The following KCNQ1OT1 variants were observed in gnomAD, a reference collection of about 807,000 sequenced individuals.
KCNQ1OT1 encodes KCNQ1 opposite strand/antisense transcript 1.
In KCNQ1OT1 at chr11:2,663,590, C is replaced by T; in HGVS notation, n.36405G>A. On this transcript the variant is annotated non_coding_transcript_exon_variant, in exon 1 of 1. Coordinates refer to ENST00000597346, the Ensembl canonical transcript of KCNQ1OT1. The surrounding 1 kb of genome is among the most constrained non-coding windows in gnomAD (Gnocchi z 5.2). ...CTTGCTTCTCCTGTTGGAGCTCTCG[C>T]TCACCTTGGTTCTCTTGGTCACGGA... 2 of 398,702 alleles carry T rather than the reference C, an allele frequency of 5.0e-6. No individual in the cohort carries two copies. The highest frequency in any genetic ancestry group is 8.8e-5 in the Admixed American group (2 of 22,740). The allele number at this position is 398,702 out of a possible 1,614,324, so 24.7% of individuals were successfully genotyped here. A position where few individuals can be genotyped will look rare whatever the true frequency, so the allele number is the denominator to read the frequency against.
chr11:2,675,587 A>C (rs897312805), exon 1 of KCNQ1OT1: 7 of 398,504 alleles, frequency 1.8e-5, no homozygotes, highest in Middle Eastern at 1.2e-3. Flanking sequence ...ACTTCCTAGG[A>C]GATCCCAATT....
Position 2,683,995 on chromosome 11 carries a change from G to A in KCNQ1OT1, n.16000C>T. The A allele has an allele frequency of 2.5e-6, 1 of 397,862 alleles. No homozygotes were observed. The highest frequency in any genetic ancestry group is 4.4e-6 in the Non-Finnish European group (1 of 225,974). 24.6% of individuals were successfully genotyped at this position (397,862 alleles called of 1,614,324 possible). On this transcript the variant is annotated non_coding_transcript_exon_variant, in exon 1 of 1. Transcript: ENST00000597346. This position sits in a 1 kb window ranked among gnomAD's most constrained non-coding sequence, Gnocchi z 4.7. Reference sequence around the variant, plus strand: ...TTTTTCATTTAGAAGAATTTCCTTGGCAACTCCGTCTCTCCTTAGTCAACA... The same window carrying A: ...TTTTTCATTTAGAAGAATTTCCTTGACAACTCCGTCTCTCCTTAGTCAACA...
At position 2,652,796 on chromosome 11, in the gene KCNQ1OT1, C is replaced by T. The variant is rs185878088; in HGVS notation, n.47199G>A. On this transcript the variant is annotated non_coding_transcript_exon_variant, in exon 1 of 1. Coordinates refer to ENST00000597346, the Ensembl canonical transcript of KCNQ1OT1. This position sits in a 1 kb window ranked among gnomAD's most constrained non-coding sequence, Gnocchi z 5.9. ...CAGCGCCCCCGCTACTCAGACCCCA[C>T]CCTTGGGCCTGCAGAGACATTTCCG... The T allele has an allele frequency of 2.0e-5, 8 of 398,968 alleles. No individual in the cohort carries two copies. The highest frequency in any genetic ancestry group is 3.5e-5 in the Non-Finnish European group (8 of 226,466). The allele number at this position is 398,968 out of a possible 1,614,324, so 24.7% of individuals were successfully genotyped here. A position where few individuals can be genotyped will look rare whatever the true frequency, so the allele number is the denominator to read the frequency against.
exon 1 of KCNQ1OT1, chr11:2,666,871 A>G (rs778110749): frequency 1.8e-4 from 70 of 398,670 alleles, no homozygotes; most frequent in South Asian, 8.9e-4. Context: ...GCTTGTCAAG[A>G]ACAGATGAGA....
Position 2,620,604 on chromosome 11 carries a change from A to G in KCNQ1OT1, n.79391T>C, listed in dbSNP as rs1014498738. ...CCAATCCACCACTGATGGGCATCTA[A>G]GTGGATTCCATGTCTTTGCTGTTGT... On this transcript the variant is annotated non_coding_transcript_exon_variant, in exon 1 of 1. Coordinates refer to ENST00000597346, the Ensembl canonical transcript of KCNQ1OT1. This position sits in a 1 kb window ranked among gnomAD's most constrained non-coding sequence, Gnocchi z 4.5. 1 of 397,604 alleles carries G rather than the reference A, an allele frequency of 2.5e-6. No homozygotes were observed. The highest frequency in any genetic ancestry group is 4.4e-6 in the Non-Finnish European group (1 of 225,916). The allele number at this position is 397,604 out of a possible 1,614,324, so 24.6% of individuals were successfully genotyped here.
chr11:2,648,020 C>T, exon 1 of KCNQ1OT1: 1 of 396,686 alleles, frequency 2.5e-6, no homozygotes. Context: ...TTGAGACCAG[C>T]CTGAGCAACA....
At chr11:2,614,135 T>A (rs1038690008) in exon 1 of KCNQ1OT1, 1 of 398,422 alleles carries the variant, frequency 2.5e-6, no homozygotes, top group African/African-American at 2.1e-5. Context: ...CTACCATGTC[T>A]CTGAGATACA....
rs1850167602 is a variant in KCNQ1OT1, at chr11:2,670,687, A to G, written n.29308T>C. Reference sequence around the variant, plus strand: ...GTAGGAAGGCAGTGTAGCAGTAACAAGACAAAGGGATTCTGTGGCCCATGG... The same window carrying G: ...GTAGGAAGGCAGTGTAGCAGTAACAGGACAAAGGGATTCTGTGGCCCATGG... On this transcript the variant is annotated non_coding_transcript_exon_variant, in exon 1 of 1. Transcript: ENST00000597346. This position sits in a 1 kb window ranked among gnomAD's most constrained non-coding sequence, Gnocchi z 4.9. 5.0e-6 allele frequency: 2 copies of G among 398,648 alleles called. No individual in the cohort carries two copies. Among genetic ancestry groups the G allele is most frequent in the East Asian group, 7.1e-5 (2 of 28,086 alleles). 24.7% of individuals were successfully genotyped at this position (398,648 alleles called of 1,614,324 possible).
rs1405020890 is a variant in KCNQ1OT1 at position 2,623,703 on chromosome 11, A to G, written n.76292T>C. On this transcript the variant is annotated non_coding_transcript_exon_variant, in exon 1 of 1. Transcript: ENST00000597346. The surrounding 1 kb of genome is among the most constrained non-coding windows in gnomAD (Gnocchi z 5.2). The stretch of plus-strand genomic sequence containing the variant: ...GACATCTCGGTTGCTTCCAATTTCA[A>G]CAATCACAAATAAAGCTTCTGTAAA... 7.5e-6 allele frequency: 3 copies of G among 398,432 alleles called. No individual in the cohort carries two copies. The highest frequency in any genetic ancestry group is 4.4e-5 in the Admixed American group (1 of 22,710). The allele number at this position is 398,432 out of a possible 1,614,324, so 24.7% of individuals were successfully genotyped here. A position where few individuals can be genotyped will look rare whatever the true frequency, so the allele number is the denominator to read the frequency against.
At chr11:2,622,590 T>C in exon 1 of KCNQ1OT1, 1 of 398,552 alleles carries the variant, frequency 2.5e-6, no homozygotes, top group Non-Finnish European at 4.4e-6. Flanking sequence ...TGCCTTTTCT[T>C]TTGCCTTACA....
exon 1 of KCNQ1OT1, chr11:2,680,231 GTCTA>G (rs1850370749): frequency 1.0e-5 from 4 of 389,306 alleles, no homozygotes; most frequent in South Asian, 1.3e-4. Context: ...AAAAAAAGTT[GTCTA>G]TCTGTGTGTA....
At position 2,617,473 on chromosome 11, in the gene KCNQ1OT1, A is replaced by T; in HGVS notation, n.82522T>A. 2.5e-6 allele frequency: 1 copy of T among 398,472 alleles called. No homozygotes were observed. The highest frequency in any genetic ancestry group is 4.4e-6 in the Non-Finnish European group (1 of 225,964). The allele number at this position is 398,472 out of a possible 1,614,324, so 24.7% of individuals were successfully genotyped here. ...CCACAGTTTAGTCATCCATCAATGG[A>T]CACGTAAGTTTTCATATCGTGACTC... On this transcript the variant is annotated non_coding_transcript_exon_variant, in exon 1 of 1. Transcript: ENST00000597346. The surrounding 1 kb of genome is among the most constrained non-coding windows in gnomAD (Gnocchi z 4.6).
chr11:2,618,729 G>C (rs895884385), exon 1 of KCNQ1OT1: 10 of 398,334 alleles, frequency 2.5e-5, no homozygotes, highest in Middle Eastern at 6.2e-4. Context: ...AATTTTCCAT[G>C]GGATTTTGAT....
Position 2,683,574 on chromosome 11 carries a change from A to T in KCNQ1OT1, n.16421T>A. 5.0e-6 allele frequency: 2 copies of T among 398,678 alleles called. No homozygotes were observed. Among genetic ancestry groups the T allele is most frequent in the Non-Finnish European group, 8.8e-6 (2 of 226,074 alleles). The allele number at this position is 398,678 out of a possible 1,614,324, so 24.7% of individuals were successfully genotyped here. On this transcript the variant is annotated non_coding_transcript_exon_variant, in exon 1 of 1. Coordinates refer to ENST00000597346, the Ensembl canonical transcript of KCNQ1OT1. This position sits in a 1 kb window ranked among gnomAD's most constrained non-coding sequence, Gnocchi z 4.7. ...GCCCCTACCTACTGACTGGCATCAC[A>T]AACACTGCCCTGAAATGCCAACTCA... is the stretch of plus-strand genomic sequence containing the variant.
At chr11:2,609,347 T>C (rs1848937489) in exon 1 of KCNQ1OT1, 7 of 398,338 alleles carry the variant, frequency 1.8e-5, no homozygotes, top group Non-Finnish European at 3.1e-5. Context: ...TCTTTGCTAC[T>C]GAGTTCTACT....
chr11:2,651,218 A>G lies in KCNQ1OT1; in HGVS notation n.48777T>C. The G allele has an allele frequency of 2.5e-6, 1 of 398,694 alleles. No homozygotes were observed. Among genetic ancestry groups the G allele is most frequent in the Non-Finnish European group, 4.4e-6 (1 of 226,102 alleles). 24.7% of individuals were successfully genotyped at this position (398,694 alleles called of 1,614,324 possible). A position where few individuals can be genotyped will look rare whatever the true frequency, so the allele number is the denominator to read the frequency against. On this transcript the variant is annotated non_coding_transcript_exon_variant, in exon 1 of 1. Coordinates refer to ENST00000597346, the Ensembl canonical transcript of KCNQ1OT1. This position sits in a 1 kb window ranked among gnomAD's most constrained non-coding sequence, Gnocchi z 6.1. ...GCTTCCTGTCACCCTGTCTTGTGTC[A>G]GTCTCACAGCACACACAGCTTAATT...
chr11:2,699,445 A>AGGAGCCGCCGGGAGAGTGCCGCG (rs1850736023), exon 1 of KCNQ1OT1: 3 of 402,278 alleles, frequency 7.5e-6, no homozygotes, highest in East Asian at 7.4e-5. Context: ...GGAGAACCGC[A>AGGAGCCGCCGGGAGAGTGCCGCG]CTGAGGAGCC....
exon 1 of KCNQ1OT1, chr11:2,662,107 G>C: frequency 6.2e-7 from 1 of 1,614,018 alleles, no homozygotes; most frequent in Non-Finnish European, 8.5e-7. Context: ...TGCGTGAAGG[G>C]CTGGGCTGGA....
exon 1 of KCNQ1OT1, chr11:2,614,255 A>G (rs1849025231): frequency 2.5e-6 from 1 of 398,500 alleles, no homozygotes. Flanking sequence ...TGGACTACCT[A>G]TTTCTGACAT....
Sources: gnomAD v4.1 joint callset for allele counts on GRCh38, gnomAD v4.1.1 for gene constraint, Gnocchi (gnomAD v3.1) non-coding constraint, MANE v1.5 for transcripts, NCBI Gene and HGNC (gene_info 2026-07-23, HGNC 2026-07-21) for gene names.